CCDC171: variants seen among roughly 807,000 people sequenced by gnomAD.
The protein encoded by CCDC171 is coiled-coil domain-containing protein 171.
CCDC171 carries 177 observed loss-of-function variants against 168.2 expected under a neutral mutation model. That is an observed-to-expected ratio of 1.05 (90% CI 0.93 to 1.19). The LOEUF is 1.19. CCDC171 is among the 50% of genes most tolerant of loss of function. The probability of loss-of-function intolerance (pLI) is 0.00; values close to 1 mark genes in which losing one functional copy is unlikely to be tolerated. For missense variants in CCDC171, 1,991 were observed against 1,539.0 expected, an observed-to-expected ratio of 1.29 and a Z score of -4.91; for synonymous variants, 687 against 540.8, an observed-to-expected ratio of 1.27 and a Z score of -3.75.
intron 16 of CCDC171, 76 bp downstream of exon 16, chr9:15,729,874 G>A: frequency 8.6e-7 from 1 of 1,166,092 alleles, no homozygotes. Context: ...TTTTTCAGTA[G>A]CAGTGCTAAA....
At chr9:15,989,940 A>G (rs1832130911) in intron 3 of CCDC171, among the ~76,000 whole-genome samples, 1 of 152,240 alleles carries the variant, frequency 6.6e-6, no homozygotes, top group Admixed American at 6.5e-5. Flanking sequence ...AAAAGACCAT[A>G]TCTATGTCTG....
intron 25 of CCDC171, among the ~76,000 whole-genome samples, chr9:15,970,446 T>C (rs1831237375): frequency 6.6e-6 from 1 of 152,154 alleles, no homozygotes; most frequent in Non-Finnish European, 1.5e-5. Flanking sequence ...TTAGTGGAGA[T>C]ACTTATAACC....
At chr9:15,598,295 A>T (rs1425672589) in intron 6 of CCDC171, among the ~76,000 whole-genome samples, 57 of 151,400 alleles carry the variant, frequency 3.8e-4, no homozygotes, top group Admixed American at 3.6e-3. Context: ...TAGTGCTGTA[A>T]ATTTCCCTCT....
At position 15,971,752 on chromosome 9, in the gene CCDC171, T is replaced by C. The variant is rs1373328867; in HGVS notation, c.3897T>C (p.Thr1299=). Residue 1299 remains threonine (T), a synonymous_variant, in exon 26 of 26, where the codon ACT becomes ACC. Coordinates refer to ENST00000380701, the MANE Select transcript of CCDC171 (RefSeq NM_173550.4). ...YTFLKETFIN[T]VPHALTSSHS... is the part of the protein sequence containing the mutation. ...TCTTAAAGGAGACATTTATAAATAC[T>C]GTGCCCCATGCTCTGACATCATCTC... 6.2e-7 allele frequency: 1 copy of C among 1,613,902 alleles called. No homozygotes were observed. Among genetic ancestry groups the C allele is most frequent in the African/African-American group, 1.3e-5 (1 of 74,932 alleles).
At chr9:15,580,328 C>T (rs1247946295) in intron 4 of CCDC171, among the ~76,000 whole-genome samples, 1 of 151,838 alleles carries the variant, frequency 6.6e-6, no homozygotes, top group African/African-American at 2.4e-5. Context: ...GACCAAGATC[C>T]CAAAAGCAAA....
chr9:15,630,992 T>C (rs1482967259), intron 7 of CCDC171, among the ~76,000 whole-genome samples: 1 of 151,872 alleles, frequency 6.6e-6, no homozygotes, highest in Non-Finnish European at 1.5e-5. Context: ...AGACACAACA[T>C]ACCAGAATCT....
At chr9:15,854,857 G>T (rs991520690) in intron 23 of CCDC171, among the ~76,000 whole-genome samples, 1 of 151,552 alleles carries the variant, frequency 6.6e-6, no homozygotes, top group South Asian at 2.1e-4. Flanking sequence ...TTATTTAAGA[G>T]TGAGCTGATA....
At chr9:15,925,290 G>T (rs1025980618) in intron 25 of CCDC171, among the ~76,000 whole-genome samples, 1 of 151,586 alleles carries the variant, frequency 6.6e-6, no homozygotes, top group Non-Finnish European at 1.5e-5. Context: ...AGTGACTGAA[G>T]ATTGGATAGG....
chr9:16,065,927 G>A (rs1382617431), downstream of CCDC171, among the ~76,000 whole-genome samples: 2 of 152,018 alleles, frequency 1.3e-5, no homozygotes, highest in Non-Finnish European at 2.9e-5. Context: ...GGCCGTCAAA[G>A]GGCAAGGTGA....
chr9:15,594,744 T>C (rs939142650), intron 6 of CCDC171, among the ~76,000 whole-genome samples: 51 of 152,126 alleles, frequency 3.4e-4, no homozygotes, highest in Non-Finnish European at 7.4e-5. Flanking sequence ...AGGCTGCAGG[T>C]CTCTGAATTC....
chr9:16,051,334 A>G (rs113551753), intron 1 of CCDC171, among the ~76,000 whole-genome samples: 7 of 152,216 alleles, frequency 4.6e-5, no homozygotes, highest in African/African-American at 7.2e-5. Context: ...ATGTGTTTTC[A>G]TAGCAAGCAG....
chr9:15,646,550 G>A (rs186652229), intron 7 of CCDC171, among the ~76,000 whole-genome samples: 1 of 152,280 alleles, frequency 6.6e-6, no homozygotes, highest in East Asian at 1.9e-4. Flanking sequence ...TGAAGGGATG[G>A]AGGAAGATCT....
In CCDC171 at chr9:15,623,471, GCGCGCACA is replaced by G. The variant is rs1370774031; in HGVS notation, c.822+60_822+67del. 4.0e-5 allele frequency: 20 copies of G among 505,418 alleles called. 1 individual carries two copies. In the Admixed American group the frequency reaches 6.2e-4, roughly 16 times the overall value. The allele number at this position is 505,418 out of a possible 1,614,324, so 31.3% of individuals were successfully genotyped here. A position where few individuals can be genotyped will look rare whatever the true frequency, so the allele number is the denominator to read the frequency against. ...CGTACAAACTTTCACATATGCGCGC[GCGCGCACA>G]CACACACACACACACACACACACAC... On this transcript the variant is annotated intron_variant, in intron 7 of 25. Coordinates refer to ENST00000380701, the MANE Select transcript of CCDC171 (RefSeq NM_173550.4).
intron 21 of CCDC171, among the ~76,000 whole-genome samples, chr9:15,839,416 A>G (rs757642253): frequency 6.6e-6 from 1 of 152,168 alleles, no homozygotes; most frequent in Non-Finnish European, 1.5e-5. Context: ...CAGAGTTTAG[A>G]GGAAGGTTTT....
intron 21 of CCDC171, among the ~76,000 whole-genome samples, chr9:15,842,870 C>T (rs2060741286): frequency 6.6e-6 from 1 of 151,660 alleles, no homozygotes; most frequent in South Asian, 2.1e-4. Context: ...ATAATTTTTG[C>T]TGTTATTCAC....
intron 3 of CCDC171, among the ~76,000 whole-genome samples, chr9:15,985,239 G>T (rs1831948453): frequency 6.6e-6 from 1 of 152,124 alleles, no homozygotes; most frequent in African/African-American, 2.4e-5. Flanking sequence ...TAATAATGCA[G>T]TACACCAAGT....
At chr9:15,694,915 T>C (rs1024698543) in intron 10 of CCDC171, among the ~76,000 whole-genome samples, 4 of 152,242 alleles carry the variant, frequency 2.6e-5, no homozygotes, top group Non-Finnish European at 5.9e-5. Context: ...AATTCCTCTG[T>C]CTCAGTTTTC....
At chr9:15,859,006 A>G (rs1336684764) in intron 23 of CCDC171, among the ~76,000 whole-genome samples, 2 of 152,014 alleles carry the variant, frequency 1.3e-5, no homozygotes, top group African/African-American at 4.8e-5. Flanking sequence ...ATTGAGTATG[A>G]TATTAGCTGT....
chr9:15,938,374 A>G (rs947728588), intron 25 of CCDC171, among the ~76,000 whole-genome samples: 1 of 151,878 alleles, frequency 6.6e-6, no homozygotes, highest in African/African-American at 2.4e-5. Flanking sequence ...CTGTGCATAC[A>G]CTATTAATAG....
Sources: allele counts gnomAD v4.1 joint callset (sites outside exome capture counted in the v4.1 genomes callset), GRCh38; gene constraint gnomAD v4.1.1; transcripts MANE v1.5; gene names NCBI Gene and HGNC (gene_info 2026-07-23, HGNC 2026-07-21).